Variants in ADAMTS16 observed in about 807,000 individuals in gnomAD.
ADAMTS16 encodes the protein A disintegrin and metalloproteinase with thrombospondin motifs 16.
In ADAMTS16, 94 loss-of-function variants were observed where a neutral mutation model predicts 145.8. That is an observed-to-expected ratio of 0.64 (90% CI 0.55 to 0.77). ADAMTS16 has a LOEUF of 0.77. Ranked by LOEUF, ADAMTS16 falls within the 30% of genes least tolerant of loss-of-function variation. The pLI, the probability that ADAMTS16 is intolerant of heterozygous loss-of-function variation, is 0.00. For missense variants in ADAMTS16, 1,585 were observed against 1,591.5 expected, an observed-to-expected ratio of 1.00 and a Z score of 0.07; for synonymous variants, 659 against 604.3, an observed-to-expected ratio of 1.09 and a Z score of -1.33.
intron 18 of ADAMTS16, among the ~76,000 whole-genome samples, chr5:5,276,373 A>G (rs1239541108): frequency 2.0e-5 from 3 of 152,162 alleles, no homozygotes; most frequent in African/African-American, 7.2e-5. Context: ...ATATTCTTCT[A>G]TAAGACCACC....
chr5:5,203,904 A>G (rs947996059), intron 9 of ADAMTS16, among the ~76,000 whole-genome samples: 8 of 152,154 alleles, frequency 5.3e-5, no homozygotes, highest in African/African-American at 1.9e-4. Context: ...ACTTCTGTTG[A>G]TGGGAAAATG....
intron 3 of ADAMTS16, among the ~76,000 whole-genome samples, chr5:5,154,558 A>G (rs539956853): frequency 5.9e-5 from 9 of 152,326 alleles, no homozygotes; most frequent in South Asian, 2.1e-4. Context: ...ATTTAGCTAT[A>G]AAATCTATGG....
Position 5,186,036 on chromosome 5 carries a change from A to G in ADAMTS16, c.764-16A>G. ...TGACTTGTGCTTCCATTTGCCCTCC[A>G]TGTGTCCCTCCATAGACATGCCCCA... On this transcript the variant is annotated splice_polypyrimidine_tract_variant and intron_variant, in intron 4 of 22. Transcript: ENST00000274181. 2 of 1,603,748 alleles carry G rather than the reference A, an allele frequency of 1.2e-6. No homozygotes were observed. The highest frequency in any genetic ancestry group is 1.7e-6 in the Non-Finnish European group (2 of 1,173,838).
chr5:5,237,673 TGG>T (rs373345346), intron 14 of ADAMTS16, among the ~76,000 whole-genome samples: 1 of 152,054 alleles, frequency 6.6e-6, no homozygotes. Flanking sequence ...GGCAGTAGTG[TGG>T]AGAGTCAGTG....
At chr5:5,248,276 C>A (rs1302626245) in intron 17 of ADAMTS16, among the ~76,000 whole-genome samples, 1 of 152,158 alleles carries the variant, frequency 6.6e-6, no homozygotes, top group African/African-American at 2.4e-5. Flanking sequence ...AGACTTAAGA[C>A]TCTTCTTCTA....
chr5:5,237,221 CA>C (rs992422562), intron 14 of ADAMTS16, 122 bp downstream of exon 14: 11 of 1,017,692 alleles, frequency 1.1e-5, no homozygotes. Context: ...AGTTGCAGCC[CA>C]GTGGGGAGAA....
intron 8 of ADAMTS16, among the ~76,000 whole-genome samples, chr5:5,195,490 C>T (rs915265700): frequency 1.3e-5 from 2 of 152,056 alleles, no homozygotes; most frequent in African/African-American, 4.8e-5. Flanking sequence ...GGGAGGGTGC[C>T]CTTAACAGCT....
In ADAMTS16 at chr5:5,238,417, T is replaced by A. The variant is rs141541927; in HGVS notation, c.2155-734T>A. Among the ~76,000 whole-genome samples, 76 of 152,350 alleles carry A rather than the reference T, an allele frequency of 5.0e-4. 1 individual carries two copies. The East Asian group carries it at 0.015, about 29-fold the overall frequency. On this transcript the variant is annotated intron_variant, in intron 14 of 22. Coordinates refer to ENST00000274181, the MANE Select transcript of ADAMTS16 (RefSeq NM_139056.4). ...TATGGGATGCCACCCTAAGCCCTTG[T>A]GGGATTCTCATATGCATTTCATACG... is the stretch of plus-strand genomic sequence containing the variant.
Position 5,186,116 on chromosome 5 carries a change from G to A in ADAMTS16, c.828G>A (p.Arg276=). Residue 276 remains arginine (R), a synonymous_variant, in exon 5 of 23, where the codon CGG becomes CGA. Transcript: ENST00000274181. ...ILPDEYKSCL[R]HKRSLLRSHR... is the part of the protein sequence containing the mutation. The stretch of plus-strand genomic sequence containing the variant: ...CAGATGAGTATAAGTCTTGCTTACG[G>A]CATAAGCGCTCTCTTCTGAGGTCCC... The A allele has an allele frequency of 6.2e-7, 1 of 1,614,040 alleles. No individual in the cohort carries two copies. Among genetic ancestry groups the A allele is most frequent in the Non-Finnish European group, 8.5e-7 (1 of 1,180,020 alleles).
intron 18 of ADAMTS16, among the ~76,000 whole-genome samples, chr5:5,275,983 C>T (rs928144182): frequency 1.3e-5 from 2 of 152,120 alleles, no homozygotes; most frequent in East Asian, 1.9e-4. Context: ...CTCAGCCTCC[C>T]GAGTAGCTGG....
chr5:5,255,093 AT>A (rs1282276732), intron 17 of ADAMTS16, among the ~76,000 whole-genome samples: 3 of 152,110 alleles, frequency 2.0e-5, no homozygotes, highest in Admixed American at 1.3e-4. Context: ...TAAGAAAACC[AT>A]CTTTTTAAAT....
chr5:5,179,166 C>G (rs1222386196), intron 3 of ADAMTS16, among the ~76,000 whole-genome samples: 3 of 149,238 alleles, frequency 2.0e-5, no homozygotes, highest in Admixed American at 6.8e-5. Context: ...CAGAGCAGCA[C>G]AGAAAGGCTG....
chr5:5,306,736 A>T lies in ADAMTS16; in HGVS notation c.3411+8A>T. 2 of 1,595,716 alleles carry T rather than the reference A, an allele frequency of 1.3e-6. No homozygotes were observed. The highest frequency in any genetic ancestry group is 1.7e-6 in the Non-Finnish European group (2 of 1,170,360). The stretch of plus-strand genomic sequence containing the variant: ...GCCTCACCCTGGTCTCAGGTAGGGG[A>T]GGCCCTCGGTTCCTGGAGAGTGGGC... On this transcript the variant is annotated splice_region_variant and intron_variant, in intron 21 of 22. Coordinates refer to ENST00000274181, the MANE Select transcript of ADAMTS16 (RefSeq NM_139056.4).
intron 10 of ADAMTS16, among the ~76,000 whole-genome samples, chr5:5,221,102 G>A (rs1183595369): frequency 2.0e-5 from 3 of 152,056 alleles, no homozygotes; most frequent in African/African-American, 7.2e-5. Flanking sequence ...TCGAGCCGGT[G>A]TGCACAGGCT....
At chr5:5,240,760 A>T (rs1321164146) in intron 16 of ADAMTS16, among the ~76,000 whole-genome samples, 1 of 152,118 alleles carries the variant, frequency 6.6e-6, no homozygotes, top group Non-Finnish European at 1.5e-5. Flanking sequence ...CTGCATCTCC[A>T]CAGGTCCTAC....
chr5:5,201,720 C>T (rs542311017), intron 9 of ADAMTS16, among the ~76,000 whole-genome samples: 1 of 152,064 alleles, frequency 6.6e-6, no homozygotes, highest in Non-Finnish European at 1.5e-5. Context: ...AGTCCCCAGG[C>T]TAGGAAACGA....
At chr5:5,314,430 G>C (rs1344922630) in intron 21 of ADAMTS16, among the ~76,000 whole-genome samples, 4 of 152,204 alleles carry the variant, frequency 2.6e-5, no homozygotes, top group Admixed American at 2.6e-4. Flanking sequence ...AAGTCACCAA[G>C]GGAATGCCTG....
chr5:5,296,478 G>A (rs552416543), intron 18 of ADAMTS16, among the ~76,000 whole-genome samples: 14 of 152,180 alleles, frequency 9.2e-5, no homozygotes, highest in Middle Eastern at 3.4e-3. Context: ...AGAAATTGAC[G>A]CCACAAAGGG....
At chr5:5,155,042 AAG>A (rs780241268) in intron 3 of ADAMTS16, among the ~76,000 whole-genome samples, 1 of 152,178 alleles carries the variant, frequency 6.6e-6, no homozygotes, top group African/African-American at 2.4e-5. Flanking sequence ...GTCCAGTACA[AAG>A]AGAGTAAAAG....
Sources: allele counts gnomAD v4.1 joint callset (sites outside exome capture counted in the v4.1 genomes callset), GRCh38; gene constraint gnomAD v4.1.1; transcripts MANE v1.5; gene names NCBI Gene and HGNC (gene_info 2026-07-23, HGNC 2026-07-21).